Variants in CEP85 observed in about 807,000 individuals in gnomAD.
The protein encoded by CEP85 is centrosomal protein 85.
In CEP85, 58 loss-of-function variants were observed where a neutral mutation model predicts 93.7. That is an observed-to-expected ratio of 0.62 (90% confidence interval 0.50 to 0.77). The LOEUF is 0.77. Ranked by LOEUF, CEP85 falls within the 30% of genes least tolerant of loss-of-function variation. The probability of loss-of-function intolerance (pLI) is 0.00; values close to 1 mark genes in which losing one functional copy is unlikely to be tolerated. For missense variants in CEP85, 868 were observed against 922.0 expected, an observed-to-expected ratio of 0.94 and a Z score of 0.76; for synonymous variants, 314 against 338.6, an observed-to-expected ratio of 0.93 and a Z score of 0.80.
chr1:26,250,925 C>CTTTTTTTTTTTTTT lies in CEP85; in HGVS notation c.209-4240_209-4239insTTTTTTTTTTTTTT, dbSNP rs71581048. Among the ~76,000 whole-genome samples the CTTTTTTTTTTTTTT allele has an allele frequency of 5.6e-4, 31 of 55,132 alleles. 5 individuals are homozygous for CTTTTTTTTTTTTTT. Among genetic ancestry groups the CTTTTTTTTTTTTTT allele is most frequent in the East Asian group, 5.3e-3 (9 of 1,712 alleles). 36.2% of individuals were successfully genotyped at this position (55,132 alleles called of 152,430 possible). On this transcript the variant is annotated intron_variant, in intron 3 of 13. Coordinates refer to ENST00000451429, the MANE Select transcript of CEP85 (RefSeq NM_001319944.2). The stretch of plus-strand genomic sequence containing the variant: ...TGAGCCAAGCTTGCCTTTTTTTTTT[C>CTTTTTTTTTTTTTT]TTTTTTCTTTTTTTTTTTTTTTTTT...
At chr1:26,245,040 T>C (rs1197590029) in intron 3 of CEP85, among the ~76,000 whole-genome samples, 3 of 151,988 alleles carry the variant, frequency 2.0e-5, no homozygotes, top group Non-Finnish European at 4.4e-5. Flanking sequence ...AAGTCCTGTT[T>C]TTTGTTTTGT....
At chr1:26,270,650 T>C (rs1417426355) in intron 9 of CEP85, among the ~76,000 whole-genome samples, 1 of 152,252 alleles carries the variant, frequency 6.6e-6, no homozygotes, top group Non-Finnish European at 1.5e-5. Context: ...TGCCCCAGAC[T>C]GTGTGTGCCA....
Position 26,269,603 on chromosome 1 carries a change from C to G in CEP85, c.1638C>G (p.Ser546=). ...GGCAGAGAGAAGCAGAATTCTCCTCCGCTGGACATAGGTAAATAACCCTGT... is the reference window on the plus strand; with the variant it reads ...GGCAGAGAGAAGCAGAATTCTCCTCGGCTGGACATAGGTAAATAACCCTGT... ...SLRQREAEFS[S]AGHSLQDKQS... is the part of the protein sequence containing the mutation. Residue 546 remains serine, a synonymous_variant, in exon 9 of 14, where the codon TCC becomes TCG. Coordinates refer to ENST00000451429, the MANE Select transcript of CEP85 (RefSeq NM_001319944.2). 6.2e-7 allele frequency: 1 copy of G among 1,613,220 alleles called. No individual in the cohort carries two copies. The highest frequency in any genetic ancestry group is 8.5e-7 in the Non-Finnish European group (1 of 1,179,558).
intron 2 of CEP85, among the ~76,000 whole-genome samples, chr1:26,243,366 C>T (rs900723215): frequency 6.6e-6 from 1 of 151,974 alleles, no homozygotes; most frequent in African/African-American, 2.4e-5. Context: ...GGATGCTAAA[C>T]CATTCTGTAA....
intron 3 of CEP85, chr1:26,254,874 T>C (rs2089671650): frequency 5.6e-6 from 2 of 358,242 alleles, no homozygotes; most frequent in East Asian, 4.4e-5. Context: ...TAAAAAACTT[T>C]TTAAAAGTTT....
At chr1:26,250,957 T>TTTTG (rs2089603485) in intron 3 of CEP85, among the ~76,000 whole-genome samples, 1 of 104,512 alleles carries the variant, frequency 9.6e-6, no homozygotes, top group Non-Finnish European at 1.9e-5. Context: ...TTTTTTTTTT[T>TTTTG]TGAGACAGAG....
rs866485045 is a variant in CEP85, at chr1:26,275,908, G to T, written c.1903-627G>T. On this transcript the variant is annotated intron_variant, in intron 12 of 13. Coordinates refer to ENST00000451429, the MANE Select transcript of CEP85 (RefSeq NM_001319944.2). ...TGTCAGGAAGAGAGGGAAACAGACA[G>T]ACATACATGAATAGATGGTTTTTGT... 7.9e-5 allele frequency among the ~76,000 whole-genome samples: 12 copies of T among 152,220 alleles called. No homozygotes were observed. The South Asian group carries it at 1.4e-3, about 18-fold the overall frequency.
rs528873333 is a variant in CEP85 at position 26,240,989 on chromosome 1, A to G, written c.55+1151A>G. ...ATATATGTATGCACTGTGCAGGCAT[A>G]TTAAGTAGATAATATATATTTCAAA... On this transcript the variant is annotated intron_variant, in intron 2 of 13. Transcript: ENST00000451429. Among the ~76,000 whole-genome samples the G allele has an allele frequency of 2.0e-5, 3 of 152,280 alleles. No homozygotes were observed. In the East Asian group the frequency reaches 5.8e-4, roughly 29 times the overall value.
Position 26,255,285 on chromosome 1 carries a change from C to T in CEP85, c.323C>T (p.Ser108Phe). Reference protein sequence around the residue: ...TLGTSPAKPNSTPVGPSSSKL... With the variant: ...TLGTSPAKPNFTPVGPSSSKL... ...GGGACCTCTCCTGCCAAGCCAAATT[C>T]TACACCTGTTGGACCCTCTTCCTCT... is the stretch of plus-strand genomic sequence containing the variant. The change falls in exon 4 of 14, where the codon TCT (serine) becomes TTT (phenylalanine). Residue 108 changes from serine (S) to phenylalanine (F), a missense_variant. Transcript: ENST00000451429. 6.2e-7 allele frequency: 1 copy of T among 1,614,180 alleles called. No homozygotes were observed. The highest frequency in any genetic ancestry group is 1.1e-5 in the South Asian group (1 of 91,082).
Position 26,255,705 on chromosome 1 carries a change from T to C in CEP85, c.743T>C (p.Leu248Pro), listed in dbSNP as rs1057029712. ...NGPHSNSSGV[L>P]PLGLQPAPGL... ...CCACATTCTAATAGCAGTGGGGTCC[T>C]CCCTTTGGGACTCCAGCCTGCTCCC... The change falls in exon 4 of 14, where the codon CTC becomes CCC. Residue 248 changes from leucine to proline, a missense_variant. Leu to Pro is a moderately conservative substitution (Grantham distance 98). Coordinates refer to ENST00000451429, the MANE Select transcript of CEP85 (RefSeq NM_001319944.2). 10 of 1,614,036 alleles carry C rather than the reference T, an allele frequency of 6.2e-6. No homozygotes were observed. The highest frequency in any genetic ancestry group is 2.7e-5 in the African/African-American group (2 of 74,906).
rs888801370 is a variant in CEP85 at position 26,277,764 on chromosome 1, A to G, written c.*471A>G. The G allele has an allele frequency of 6.4e-6, 1 of 155,742 alleles. No individual in the cohort carries two copies. The highest frequency in any genetic ancestry group is 1.4e-5 in the Non-Finnish European group (1 of 69,790). 9.6% of individuals were successfully genotyped at this position (155,742 alleles called of 1,614,324 possible). A position where few individuals can be genotyped will look rare whatever the true frequency, so the allele number is the denominator to read the frequency against. On this transcript the variant is annotated 3_prime_UTR_variant, in exon 14 of 14. Coordinates refer to ENST00000451429, the MANE Select transcript of CEP85 (RefSeq NM_001319944.2). ...GGCCCCATGTGCCAGCCTTCTTGGG[A>G]ACTGAGCTGGCTTTCTGGGTTTTCT...
chr1:26,265,522 A>G (rs1401416293), intron 7 of CEP85, among the ~76,000 whole-genome samples: 1 of 152,172 alleles, frequency 6.6e-6, no homozygotes, highest in Non-Finnish European at 1.5e-5. Flanking sequence ...TGATTTCTCC[A>G]GAGAATAGTC....
intron 12 of CEP85, among the ~76,000 whole-genome samples, chr1:26,276,059 T>C (rs4421575): frequency 0.015 from 2,286 of 149,496 alleles, 104 homozygotes; most frequent in East Asian, 0.15. Context: ...TTGTCTTTCT[T>C]ACTCTCTTTA....
chr1:26,241,840 C>T (rs2089432082), intron 2 of CEP85, among the ~76,000 whole-genome samples: 1 of 151,872 alleles, frequency 6.6e-6, no homozygotes, highest in East Asian at 1.9e-4. Flanking sequence ...CAGCTCACTG[C>T]AACTTCTGTC....
At position 26,255,574 on chromosome 1, in the gene CEP85, A is replaced by T. The variant is rs1192756804; in HGVS notation, c.612A>T (p.Arg204=). The change falls in exon 4 of 14, where the codon CGA becomes CGT. Residue 204 remains arginine (R), a synonymous_variant. Transcript: ENST00000451429. ...CACTTTATTCAGATCCTCACCACCG[A>T]GTCCGCTTCCACAACCCAAGAACCA... ...METLYSDPHH[R]VRFHNPRTST... The T allele has an allele frequency of 6.2e-7, 1 of 1,614,160 alleles. No individual in the cohort carries two copies. Among genetic ancestry groups the T allele is most frequent in the Non-Finnish European group, 8.5e-7 (1 of 1,180,032 alleles).
rs989928504 is a variant in CEP85, at chr1:26,277,588, G to A, written c.*295G>A. On this transcript the variant is annotated 3_prime_UTR_variant, in exon 14 of 14. Coordinates refer to ENST00000451429, the MANE Select transcript of CEP85 (RefSeq NM_001319944.2). ...CCAGCCCTAGGCTGACATGAGAGAC[G>A]AACAGGCTGTCCACCTTTCTTCTCC... 4 of 263,356 alleles carry A rather than the reference G, an allele frequency of 1.5e-5. No homozygotes were observed. Among genetic ancestry groups the A allele is most frequent in the South Asian group, 1.1e-4 (2 of 17,548 alleles). The allele number at this position is 263,356 out of a possible 1,614,324, so 16.3% of individuals were successfully genotyped here. A position where few individuals can be genotyped will look rare whatever the true frequency, so the allele number is the denominator to read the frequency against.
rs555202384 is a variant in CEP85 at position 26,272,441 on chromosome 1, C to T, written c.1794+370C>T. 5.0e-5 allele frequency: 12 copies of T among 242,152 alleles called. No homozygotes were observed. The South Asian group carries it at 9.4e-4, about 19-fold the overall frequency. The allele number at this position is 242,152 out of a possible 1,614,324, so 15.0% of individuals were successfully genotyped here. ...ATAGGAGGAACAGCATGAGTGGGAA[C>T]ATGGAGACATGAAACAGCATAGTTT... On this transcript the variant is annotated intron_variant, in intron 11 of 13. Transcript: ENST00000451429.
In CEP85 at chr1:26,239,814, G is replaced by A; in HGVS notation, c.31G>A (p.Gly11Arg). 1 of 1,613,840 alleles carries A rather than the reference G, an allele frequency of 6.2e-7. No individual in the cohort carries two copies. The highest frequency in any genetic ancestry group is 8.5e-7 in the Non-Finnish European group (1 of 1,179,782). Residue 11 changes from glycine (G) to arginine (R), a missense_variant, in exon 2 of 14, where the codon GGG becomes AGG. By Grantham distance (125) the Gly-to-Arg change is moderately radical. Transcript: ENST00000451429. ...CATGCAGGAGAAATATCCAACTGAGGGGATCTCTCACGTCACTTCACCGAG... is the reference window on the plus strand; with the variant it reads ...CATGCAGGAGAAATATCCAACTGAGAGGATCTCTCACGTCACTTCACCGAG... Reference protein sequence around the residue: MAMQEKYPTEGISHVTSPSSD... With the variant: MAMQEKYPTERISHVTSPSSD...
intron 11 of CEP85, among the ~76,000 whole-genome samples, chr1:26,273,880 G>A (rs978506191): frequency 1.3e-5 from 2 of 149,784 alleles, no homozygotes; most frequent in Admixed American, 6.7e-5. Context: ...CAGTCTGGGC[G>A]ACAGAGTGAA....
Sources: gnomAD v4.1 joint callset for allele counts (sites outside exome capture counted in the v4.1 genomes callset) on GRCh38, gnomAD v4.1.1 for gene constraint, MANE v1.5 for transcripts, NCBI Gene and HGNC (gene_info 2026-07-23, HGNC 2026-07-21) for gene names.